Variants in PDGFD observed in about 807,000 individuals in gnomAD.
The protein encoded by PDGFD is platelet-derived growth factor D.
Under a neutral mutation model 44.7 loss-of-function variants are expected in PDGFD, and 30 were observed. That is an observed-to-expected ratio of 0.67 (90% CI 0.50 to 0.91). PDGFD has a LOEUF of 0.91. Among genes scored for constraint, PDGFD ranks in the 40% least tolerant of loss-of-function variants. The pLI is 0.00. For synonymous variants in PDGFD, 173 were observed against 168.4 expected, an observed-to-expected ratio of 1.03 and a Z score of -0.21; for missense variants, 445 against 457.8, an observed-to-expected ratio of 0.97 and a Z score of 0.25.
At chr11:103,947,898 C>T (rs964891163) in intron 3 of PDGFD, among the ~76,000 whole-genome samples, 174 bp from the exon 4 acceptor site, 3 of 152,156 alleles carry the variant, frequency 2.0e-5, no homozygotes, top group African/African-American at 7.2e-5. Flanking sequence ...CTCAAGAACC[C>T]TTCTCATTTA....
intron 1 of PDGFD, among the ~76,000 whole-genome samples, chr11:104,024,132 C>G (rs748081697): frequency 6.6e-6 from 1 of 152,042 alleles, no homozygotes; most frequent in East Asian, 1.9e-4. Context: ...ATGAAAAGGT[C>G]TCATAAAATG....
intron 1 of PDGFD, among the ~76,000 whole-genome samples, chr11:104,144,543 A>AAAACCCAACCAAC (rs1565347760): frequency 6.3e-5 from 9 of 142,740 alleles, no homozygotes; most frequent in Non-Finnish European, 9.0e-5. Flanking sequence ...ACAAAACAAA[A>AAAACCCAACCAAC]CAAACAAACA....
Position 104,153,042 on chromosome 11 carries a change from A to G in PDGFD, c.124+10762T>C, listed in dbSNP as rs371036796. On this transcript the variant is annotated intron_variant, in intron 1 of 6. Coordinates refer to ENST00000393158, the MANE Select transcript of PDGFD (RefSeq NM_025208.5). ...CCTGCCTCTAGGTTTCTCCACATCA[A>G]TGTTGCACAAGCTCCTAAAGCTTAA... is the stretch of plus-strand genomic sequence containing the variant. 4.7e-4 allele frequency among the ~76,000 whole-genome samples: 71 copies of G among 150,906 alleles called. No homozygotes were observed. In the South Asian group the frequency reaches 5.6e-3, roughly 12 times the overall value.
intron 1 of PDGFD, among the ~76,000 whole-genome samples, chr11:104,032,564 C>A (rs1216105539): frequency 2.0e-5 from 3 of 151,506 alleles, no homozygotes; most frequent in African/African-American, 7.3e-5. Context: ...ACTAAAAAGA[C>A]AATTATTTTG....
rs1859597762 is a variant in PDGFD at position 104,000,089 on chromosome 11, AT to A, written c.290del (p.Asn97IlefsTer5). On this transcript the variant is annotated frameshift_variant, in exon 2 of 7. Transcript: ENST00000393158. LOFTEE classifies it high-confidence loss of function. ...TTTCTGCTTCCTCTAATCCAAACTG[AT>A]TGTCAAACACTAGCTGTATCCGTGT... The part of the protein sequence containing the change: ...ENTRIQLVFD[N>X]QFGLEEAEND... The A allele has an allele frequency of 1.1e-5, 17 of 1,614,042 alleles. No individual in the cohort carries two copies. The highest frequency in any genetic ancestry group is 1.4e-5 in the Non-Finnish European group (16 of 1,179,996).
intron 3 of PDGFD, among the ~76,000 whole-genome samples, chr11:103,964,007 C>T (rs1044268612): frequency 1.4e-4 from 22 of 152,054 alleles, no homozygotes; most frequent in African/African-American, 2.9e-4. Context: ...GGTACTGTGT[C>T]GCCCATCTCT....
intron 3 of PDGFD, among the ~76,000 whole-genome samples, chr11:103,990,773 C>A (rs1404315301): frequency 6.6e-6 from 1 of 152,114 alleles, no homozygotes; most frequent in Non-Finnish European, 1.5e-5. Context: ...GCTGAAGTGC[C>A]TAAAATACCA....
intron 1 of PDGFD, among the ~76,000 whole-genome samples, chr11:104,064,238 T>G (rs1257593538): frequency 6.6e-6 from 1 of 152,220 alleles, no homozygotes; most frequent in Admixed American, 6.5e-5. Context: ...AAACTGACTG[T>G]GTTGATGGGT....
In PDGFD at chr11:103,920,525, G is replaced by A. The variant is rs117408669; in HGVS notation, c.987+6387C>T. Among the ~76,000 whole-genome samples, 93 of 152,332 alleles carry A rather than the reference G, an allele frequency of 6.1e-4. No homozygotes were observed. In the East Asian group the frequency reaches 0.014, roughly 24 times the overall value. Reference sequence around the variant, plus strand: ...CCTTGCCCCATGTGGCAAGTTTGCCGCTTTGGCAGGAAGGCCTGATGTGAA... The same window carrying A: ...CCTTGCCCCATGTGGCAAGTTTGCCACTTTGGCAGGAAGGCCTGATGTGAA... On this transcript the variant is annotated intron_variant, in intron 6 of 6. Transcript: ENST00000393158.
intron 1 of PDGFD, among the ~76,000 whole-genome samples, chr11:104,049,810 T>C (rs1860500687): frequency 6.6e-6 from 1 of 152,104 alleles, no homozygotes; most frequent in African/African-American, 2.4e-5. Flanking sequence ...TTGATGGATT[T>C]GGCAAGGAGG....
intron 1 of PDGFD, among the ~76,000 whole-genome samples, chr11:104,046,983 A>G (rs1300247490): frequency 6.8e-6 from 1 of 146,622 alleles, no homozygotes; most frequent in African/African-American, 2.5e-5. Flanking sequence ...GAGTGAGAAC[A>G]TGAGGTGCTT....
intron 1 of PDGFD, among the ~76,000 whole-genome samples, chr11:104,143,783 A>T (rs1591185024): frequency 6.6e-6 from 1 of 152,338 alleles, no homozygotes; most frequent in East Asian, 1.9e-4. Flanking sequence ...TCACTTCCAA[A>T]GCACTGCTTA....
chr11:104,038,127 G>A (rs1340727571), intron 1 of PDGFD: 11 of 1,094,106 alleles, frequency 1.0e-5, no homozygotes, highest in Non-Finnish European at 1.3e-5. Flanking sequence ...ACTAAACCTG[G>A]CCTTGGGACT....
At chr11:103,919,750 C>G (rs1408068202) in intron 6 of PDGFD, among the ~76,000 whole-genome samples, 1 of 151,928 alleles carries the variant, frequency 6.6e-6, no homozygotes. Flanking sequence ...CTCAGGTGAT[C>G]TGCCTGCCTC....
chr11:103,907,952 G>A lies in PDGFD; in HGVS notation c.*1742C>T, dbSNP rs1257663170. 1.3e-5 allele frequency: 2 copies of A among 152,166 alleles called. No individual in the cohort carries two copies. Among genetic ancestry groups the A allele is most frequent in the Non-Finnish European group, 2.9e-5 (2 of 68,030 alleles). 9.4% of individuals were successfully genotyped at this position (152,166 alleles called of 1,614,324 possible). ...GTTTTAGAAGGTACATCTTCAATAA[G>A]CAGAGATCTTTCATCTCAAATAACT... On this transcript the variant is annotated 3_prime_UTR_variant, in exon 7 of 7. Coordinates refer to ENST00000393158, the MANE Select transcript of PDGFD (RefSeq NM_025208.5).
intron 1 of PDGFD, among the ~76,000 whole-genome samples, chr11:104,027,744 GAAT>G (rs1372031833): frequency 1.3e-5 from 2 of 152,128 alleles, no homozygotes; most frequent in Non-Finnish European, 2.9e-5. Flanking sequence ...TAAAAAAATA[GAAT>G]AACATACATT....
chr11:103,998,113 T>C (rs751268503), intron 2 of PDGFD, among the ~76,000 whole-genome samples: 4 of 152,122 alleles, frequency 2.6e-5, no homozygotes, highest in Non-Finnish European at 4.4e-5. Flanking sequence ...ATAAGAAATA[T>C]ATATATTTGG....
chr11:103,982,827 A>G (rs188783123), intron 3 of PDGFD, among the ~76,000 whole-genome samples: 3 of 151,666 alleles, frequency 2.0e-5, no homozygotes, highest in African/African-American at 7.3e-5. Context: ...TTGCCACAAA[A>G]AGAATAAAAC....
intron 3 of PDGFD, among the ~76,000 whole-genome samples, chr11:103,957,096 C>T (rs1408786731): frequency 2.0e-5 from 3 of 152,042 alleles, no homozygotes; most frequent in African/African-American, 4.8e-5. Context: ...GCTTTTGTTG[C>T]CATTGCTTTT....
Sources: allele counts gnomAD v4.1 joint callset (sites outside exome capture counted in the v4.1 genomes callset), GRCh38; gene constraint gnomAD v4.1.1; transcripts MANE v1.5; gene names NCBI Gene and HGNC (gene_info 2026-07-23, HGNC 2026-07-21).